The following DUSP15 variants were observed in gnomAD, a reference collection of about 807,000 sequenced individuals.
DUSP15 encodes dual specificity protein phosphatase 15.
DUSP15 carries 23 observed loss-of-function variants against 26.3 expected under a neutral mutation model. The observed-to-expected ratio is 0.87, with a 90% CI of 0.63 to 1.24. The LOEUF (loss-of-function observed/expected upper bound fraction) is 1.24. Among genes scored for constraint, DUSP15 ranks in the 50% most tolerant of loss-of-function variants. DUSP15 has a pLI of 0.00. For missense variants in DUSP15, 364 were observed against 320.6 expected, an observed-to-expected ratio of 1.14 and a Z score of -1.03; for synonymous variants, 143 against 135.5, an observed-to-expected ratio of 1.06 and a Z score of -0.39.
rs2062409305 is a variant in DUSP15, at chr20:31,848,751, G to A, written c.726+55C>T. ...GACTGGAGGGAGTGTGGGAAGGGCT[G>A]TCTGGAGGGGACTGGAGGGCGTGCT... On this transcript the variant is annotated intron_variant, in intron 9 of 9. Transcript: ENST00000278979. 18 of 1,556,630 alleles carry A rather than the reference G, an allele frequency of 1.2e-5. No individual in the cohort carries two copies. The South Asian group carries it at 1.3e-4, about 11-fold the overall frequency.
At chr20:31,853,814 G>A (rs1410082003) in intron 6 of DUSP15, among the ~76,000 whole-genome samples, 1 of 152,064 alleles carries the variant, frequency 6.6e-6, no homozygotes, top group East Asian at 2.0e-4. Flanking sequence ...TTGCCCAGGT[G>A]GTTGGTCTCG....
At chr20:31,859,300 G>T (rs76128222), downstream of DUSP15, among the ~76,000 whole-genome samples, 9,859 of 43,024 alleles carry the variant, frequency 0.23, 341 homozygotes, top group Middle Eastern at 0.35. Context: ...GCATTTTTTT[G>T]GGGGGGGGGG....
chr20:31,848,765 G>C, intron 9 of DUSP15: 1 of 1,581,470 alleles, frequency 6.3e-7, no homozygotes, highest in Non-Finnish European at 8.6e-7. Flanking sequence ...GGAGGGGACT[G>C]GAGGGCGTGC....
intron 6 of DUSP15, among the ~76,000 whole-genome samples, chr20:31,855,327 AACTG>A (rs2062543245): frequency 6.6e-6 from 1 of 152,188 alleles, no homozygotes; most frequent in Non-Finnish European, 1.5e-5. Flanking sequence ...ATGGCCATGA[AACTG>A]ATACAAGTGT....
chr20:31,855,686 C>A (rs1193450442), intron 6 of DUSP15, among the ~76,000 whole-genome samples: 1 of 152,132 alleles, frequency 6.6e-6, no homozygotes, highest in Non-Finnish European at 1.5e-5. Context: ...AAGGGACAGG[C>A]CATGCAACCA....
chr20:31,852,459 C>T (rs555635610), intron 6 of DUSP15, among the ~76,000 whole-genome samples: 2 of 152,318 alleles, frequency 1.3e-5, no homozygotes, highest in Non-Finnish European at 2.9e-5. Flanking sequence ...TGGCCATTAC[C>T]TCCAGGGGCA....
At position 31,861,605 on chromosome 20, in the gene DUSP15, A is replaced by G. The variant is rs1201969405; in HGVS notation, c.506T>C (p.Leu169Pro). ...FRDEEELRAL[L>P]PLCKRCRQGS... ...CTGCCGGCAGCGCTTGCACAGCGGC[A>G]GCAGCGCGCGCAACTCCTCCTCGTC... Residue 169 changes from leucine (L) to proline (P), a missense_variant, in exon 7 of 7, where the codon CTG becomes CCG. Transcript: ENST00000339738. 3 of 1,488,910 alleles carry G rather than the reference A, an allele frequency of 2.0e-6. No homozygotes were observed. The highest frequency in any genetic ancestry group is 1.5e-5 in the African/African-American group (1 of 68,156). 92.2% of individuals were successfully genotyped at this position (1,488,910 alleles called of 1,614,324 possible).
downstream of DUSP15, among the ~76,000 whole-genome samples, chr20:31,846,440 A>AAGAGAGAGAGAGAGAGAG (rs1385705408): frequency 3.1e-5 from 3 of 95,294 alleles, no homozygotes; most frequent in African/African-American, 1.8e-4. Flanking sequence ...GAAAGGAATG[A>AAGAGAGAGAGAGAGAGAG]ATAGAGAGAG....
Position 31,861,290 on chromosome 20 carries a change from A to G in DUSP15, c.*113T>C. Reference sequence around the variant, plus strand: ...AGGGCGGGCGCGGGAGGCAGGGTTCAGGCCGCCGCGGGGCTCCCCCAGCCT... The same window carrying G: ...AGGGCGGGCGCGGGAGGCAGGGTTCGGGCCGCCGCGGGGCTCCCCCAGCCT... On this transcript the variant is annotated 3_prime_UTR_variant, in exon 7 of 7. Coordinates refer to ENST00000339738, the MANE Select transcript of DUSP15 (RefSeq NM_080611.5). 1 of 1,370,128 alleles carries G rather than the reference A, an allele frequency of 7.3e-7. No homozygotes were observed. The highest frequency in any genetic ancestry group is 2.5e-4 in the Middle Eastern group (1 of 4,024). The allele number at this position is 1,370,128 out of a possible 1,614,324, so 84.9% of individuals were successfully genotyped here.
chr20:31,869,484 T>G, intron 2 of DUSP15, 80 bp downstream of exon 2: 18 of 1,550,724 alleles, frequency 1.2e-5, no homozygotes, highest in Non-Finnish European at 1.6e-5. Flanking sequence ...CTGAGATGCA[T>G]GGGCCAGGGC....
downstream of DUSP15, among the ~76,000 whole-genome samples, chr20:31,858,008 T>C (rs1475789140): frequency 6.6e-6 from 1 of 152,156 alleles, no homozygotes; most frequent in Non-Finnish European, 1.5e-5. This position sits in a 1 kb window ranked among gnomAD's most constrained non-coding sequence, Gnocchi z 4.4. Flanking sequence ...CCCTCATATG[T>C]AGAGAACATT....
upstream of DUSP15, chr20:31,870,644 GC>G: frequency 7.7e-7 from 1 of 1,292,854 alleles, no homozygotes; most frequent in Non-Finnish European, 9.9e-7. This position sits in a 1 kb window ranked among gnomAD's most constrained non-coding sequence, Gnocchi z 6.6. Context: ...AGTGTGCCGG[GC>G]CCACGGCCCG....
chr20:31,856,562 C>G (rs1163701591), downstream of DUSP15, among the ~76,000 whole-genome samples: 4 of 151,992 alleles, frequency 2.6e-5, no homozygotes, highest in Admixed American at 2.6e-4. Flanking sequence ...GCCAGCAGGC[C>G]TTGGTAATGG....
chr20:31,867,811 AT>A (rs541724200), intron 2 of DUSP15, among the ~76,000 whole-genome samples: 43 of 151,762 alleles, frequency 2.8e-4, no homozygotes, highest in South Asian at 8.3e-4. Flanking sequence ...CACCCGGCTA[AT>A]TTTTTTGCAT....
chr20:31,867,632 T>TTTTG, intron 2 of DUSP15, among the ~76,000 whole-genome samples: 1 of 8,816 alleles, frequency 1.1e-4, no homozygotes, highest in Admixed American at 1.1e-3. Flanking sequence ...GCCCACAATG[T>TTTTG]TTTTTTTTTT....
At position 31,849,651 on chromosome 20, in the gene DUSP15, A is replaced by C. The variant is rs148383635; in HGVS notation, c.628+87T>G. 1,168 of 1,518,508 alleles carry C rather than the reference A, an allele frequency of 7.7e-4. 11 individuals are homozygous for C. The African/African-American group carries it at 0.014, about 19-fold the overall frequency. The allele number at this position is 1,518,508 out of a possible 1,614,324, so 94.1% of individuals were successfully genotyped here. A position where few individuals can be genotyped will look rare whatever the true frequency, so the allele number is the denominator to read the frequency against. ...GGCGCTTGGTGAACACGCCCTCCGG[A>C]GCCACCCAGAGCTGCACACCGCGCT... On this transcript the variant is annotated intron_variant, in intron 8 of 9. Coordinates refer to the DUSP15 transcript ENST00000278979.
At chr20:31,863,324 GGGA>G (rs2062702194) in intron 5 of DUSP15, among the ~76,000 whole-genome samples, 1 of 152,228 alleles carries the variant, frequency 6.6e-6, no homozygotes, top group Non-Finnish European at 1.5e-5. Context: ...TTGGAGGATG[GGGA>G]GGAGGTTAGT....
At chr20:31,846,199 CACAGACACAT>C (rs1361260965), downstream of DUSP15, among the ~76,000 whole-genome samples, 1 of 151,112 alleles carries the variant, frequency 6.6e-6, no homozygotes, top group Admixed American at 6.6e-5. Context: ...GACAGACACA[CACAGACACAT>C]AGGCATACAC....
chr20:31,846,641 T>A (rs1025772856), downstream of DUSP15, among the ~76,000 whole-genome samples: 4 of 151,984 alleles, frequency 2.6e-5, no homozygotes, highest in African/African-American at 9.7e-5. Flanking sequence ...TCCTACCCCA[T>A]CCTCCTAGCT....
Sources: gnomAD v4.1 joint callset for allele counts (sites outside exome capture counted in the v4.1 genomes callset) on GRCh38, gnomAD v4.1.1 for gene constraint, Gnocchi (gnomAD v3.1) non-coding constraint, MANE v1.5 for transcripts, NCBI Gene and HGNC (gene_info 2026-07-23, HGNC 2026-07-21) for gene names.